The following USP14 variants were observed in gnomAD, a reference collection of about 807,000 sequenced individuals.
The protein encoded by USP14 is ubiquitin specific peptidase 14, also known as ubiquitin carboxyl-terminal hydrolase 14.
USP14 carries 38 observed loss-of-function variants against 76.5 expected under a neutral mutation model. The ratio of observed to expected loss-of-function variants is 0.50; its 90% CI spans 0.38 to 0.65. USP14 has a LOEUF of 0.65. Among genes scored for constraint, USP14 ranks in the 30% least tolerant of loss-of-function variants. USP14 has a pLI of 0.00. For synonymous variants in USP14, 192 were observed against 191.7 expected (o/e 1.00, Z -0.01); for missense variants, 467 against 586.5 (o/e 0.80, Z 2.10).
chr18:198,155 A>G, intron 9 of USP14, 23 bp downstream of exon 9: 1 of 1,572,994 alleles, frequency 6.4e-7, no homozygotes, highest in Non-Finnish European at 8.7e-7. Flanking sequence ...GCCAAGATAT[A>G]GACTATACTC....
intron 12 of USP14, 53 bp downstream of exon 12, chr18:203,243 G>A (rs1910431471): frequency 1.3e-6 from 2 of 1,493,590 alleles, no homozygotes; most frequent in African/African-American, 1.4e-5. Context: ...GAAGGTAATT[G>A]CTAACTCACA....
chr18:163,693 GTTTATT>G (rs1028913390), intron 2 of USP14, among the ~76,000 whole-genome samples: 36 of 151,732 alleles, frequency 2.4e-4, no homozygotes, highest in African/African-American at 8.0e-4. Context: ...TTTTACTTTT[GTTTATT>G]TTTAACTTTT....
chr18:182,844 A>G (rs1480256330), intron 5 of USP14, among the ~76,000 whole-genome samples: 2 of 152,206 alleles, frequency 1.3e-5, no homozygotes, highest in African/African-American at 4.8e-5. Context: ...CAACATACTC[A>G]GTGCAACTGC....
intron 2 of USP14, among the ~76,000 whole-genome samples, chr18:166,049 A>G (rs903296298): frequency 1.3e-5 from 2 of 152,322 alleles, no homozygotes; most frequent in South Asian, 4.2e-4. Flanking sequence ...AAAGGAAAGT[A>G]TATACTTGCT....
chr18:192,750 G>T (rs1910124824), intron 5 of USP14, 92 bp from the exon 6 acceptor site: 2 of 1,153,120 alleles, frequency 1.7e-6, no homozygotes, highest in Non-Finnish European at 2.5e-6. Flanking sequence ...GCAGTTGAGG[G>T]TGTCATAAGA....
In USP14 at chr18:214,438, A is replaced by G. The variant is rs1194642945; in HGVS notation, c.*3154A>G. 1 of 558,896 alleles carries G rather than the reference A, an allele frequency of 1.8e-6. No homozygotes were observed. The highest frequency in any genetic ancestry group is 3.1e-6 in the Non-Finnish European group (1 of 319,438). The allele number at this position is 558,896 out of a possible 1,614,324, so 34.6% of individuals were successfully genotyped here. A position where few individuals can be genotyped will look rare whatever the true frequency, so the allele number is the denominator to read the frequency against. Reference sequence around the variant, plus strand: ...TTGAGGTCACTTCGTTTAGGTCATTATCTCAACCCAACCTCCCCAAACTCT... The same window carrying G: ...TTGAGGTCACTTCGTTTAGGTCATTGTCTCAACCCAACCTCCCCAAACTCT... On this transcript the variant is annotated 3_prime_UTR_variant, in exon 16 of 16. Transcript: ENST00000261601.
chr18:171,022 AAAAATATATATAT>A (rs71174213), intron 3 of USP14, among the ~76,000 whole-genome samples: 4,982 of 74,146 alleles, frequency 0.067, 201 homozygotes, highest in African/African-American at 0.11. Flanking sequence ...AAAAAAAAAA[AAAAATATATATAT>A]ATATATATAT....
chr18:181,890 T>C (rs1460642806), intron 5 of USP14, among the ~76,000 whole-genome samples: 1 of 152,186 alleles, frequency 6.6e-6, no homozygotes, highest in Non-Finnish European at 1.5e-5. Context: ...TGGTTAATTT[T>C]TATGTATGGT....
chr18:173,824 A>G (rs1164523471), intron 3 of USP14, among the ~76,000 whole-genome samples: 1 of 152,194 alleles, frequency 6.6e-6, no homozygotes, highest in African/African-American at 2.4e-5. Flanking sequence ...TGAAAAGACT[A>G]TTCTTTTCCA....
At chr18:179,307 C>T (rs1909715712) in intron 4 of USP14, among the ~76,000 whole-genome samples, 1 of 151,934 alleles carries the variant, frequency 6.6e-6, no homozygotes, top group African/African-American at 2.4e-5. Flanking sequence ...TTAGGCTTAA[C>T]TTACATATAT....
intron 13 of USP14, among the ~76,000 whole-genome samples, chr18:205,299 T>G (rs899488346): frequency 6.6e-6 from 1 of 152,192 alleles, no homozygotes; most frequent in Non-Finnish European, 1.5e-5. Context: ...TTTATACTTA[T>G]CTCCTCAAAG....
At chr18:172,991 G>C (rs778878812) in intron 3 of USP14, among the ~76,000 whole-genome samples, 63 of 151,810 alleles carry the variant, frequency 4.1e-4, no homozygotes, top group Non-Finnish European at 6.8e-4. Context: ...ATTTTTTAGT[G>C]ATTTGTACTA....
rs746272153 is a variant in USP14 at position 210,016 on chromosome 18, T to G, written c.1210T>G (p.Phe404Val). 1.2e-6 allele frequency: 2 copies of G among 1,604,012 alleles called. No homozygotes were observed. Among genetic ancestry groups the G allele is most frequent in the Non-Finnish European group, 1.7e-6 (2 of 1,175,906 alleles). ...SPQKEVKYEP[F>V]SFADDIGSNN... ...CCAGAAAGAAGTTAAGTATGAACCC[T>G]TTTCTTTTGCTGATGGTAAGTAACA... The change falls in exon 14 of 16, where the codon TTT becomes GTT. Residue 404 changes from phenylalanine to valine, a missense_variant. Phe to Val is a conservative substitution (Grantham distance 50, BLOSUM62 -1). Coordinates refer to ENST00000261601, the MANE Select transcript of USP14 (RefSeq NM_005151.4).
At chr18:186,582 G>A (rs1392008192) in intron 5 of USP14, among the ~76,000 whole-genome samples, 2 of 151,972 alleles carry the variant, frequency 1.3e-5, no homozygotes. Context: ...GTGAAACCCC[G>A]TCTCTATTAA....
At chr18:202,311 C>T (rs913690220) in intron 10 of USP14, among the ~76,000 whole-genome samples, 2 of 152,124 alleles carry the variant, frequency 1.3e-5, no homozygotes, top group Admixed American at 1.3e-4. Flanking sequence ...GGATAAATAC[C>T]GTTTCCACTG....
At chr18:163,018 C>T (rs1475245766) in intron 1 of USP14, 13 of 192,766 alleles carry the variant, frequency 6.7e-5, no homozygotes, top group African/African-American at 1.6e-4. Flanking sequence ...CCTCATGATC[C>T]GCCCGCCTCG....
chr18:190,034 A>G (rs1015370166), intron 5 of USP14, among the ~76,000 whole-genome samples: 1 of 152,146 alleles, frequency 6.6e-6, no homozygotes, highest in African/African-American at 2.4e-5. Context: ...AAATGTACAA[A>G]TTGGGCCCAT....
chr18:184,966 T>G (rs753738544), intron 5 of USP14, among the ~76,000 whole-genome samples: 8 of 152,066 alleles, frequency 5.3e-5, no homozygotes, highest in Non-Finnish European at 8.8e-5. Flanking sequence ...TGGAGTTAGA[T>G]TCTCAATTTA....
chr18:192,934 A>G, intron 6 of USP14, 34 bp downstream of exon 6: 1 of 1,555,750 alleles, frequency 6.4e-7, no homozygotes, highest in Non-Finnish European at 8.8e-7. Flanking sequence ...TTTTGATAGG[A>G]GTAAGACATT....
Sources: allele counts gnomAD v4.1 joint callset (sites outside exome capture counted in the v4.1 genomes callset), GRCh38; gene constraint gnomAD v4.1.1; transcripts MANE v1.5; gene names NCBI Gene and HGNC (gene_info 2026-07-23, HGNC 2026-07-21).